Variants in AHRR observed in about 807,000 individuals in gnomAD.
AHRR encodes the protein ahR repressor.
A neutral mutation model predicts 44.0 loss-of-function variants in AHRR; 28 were observed. The observed-to-expected ratio is 0.64, with a 90% CI of 0.47 to 0.87. The LOEUF (loss-of-function observed/expected upper bound fraction) is 0.87. Among genes scored for constraint, AHRR ranks in the 40% least tolerant of loss-of-function variants. The pLI is 0.00. For synonymous variants in AHRR, 434 were observed against 407.0 expected, an observed-to-expected ratio of 1.07 and a Z score of -0.80; for missense variants, 990 against 953.9, an observed-to-expected ratio of 1.04 and a Z score of -0.50.
At chr5:380,108 C>T (rs547523934) in intron 4 of AHRR, among the ~76,000 whole-genome samples, 4 of 152,254 alleles carry the variant, frequency 2.6e-5, no homozygotes, top group East Asian at 1.9e-4. Context: ...TACTGAATGG[C>T]GTTTATACCT....
intron 3 of AHRR, among the ~76,000 whole-genome samples, chr5:376,066 G>A (rs1346636729): frequency 1.3e-5 from 2 of 152,166 alleles, no homozygotes; most frequent in Non-Finnish European, 2.9e-5. Flanking sequence ...TTCTCACTAG[G>A]GAGGGGGCTG....
intron 3 of AHRR, among the ~76,000 whole-genome samples, chr5:364,216 A>T (rs1476268027): frequency 1.3e-5 from 2 of 152,256 alleles, no homozygotes; most frequent in Non-Finnish European, 2.9e-5. Context: ...GAACCCAGAG[A>T]TAACTTTATT....
chr5:404,873 C>A lies in AHRR; in HGVS notation c.352-8471C>A, dbSNP rs945818157. 6.6e-6 allele frequency among the ~76,000 whole-genome samples: 1 copy of A among 152,164 alleles called. No homozygotes were observed. Among genetic ancestry groups the A allele is most frequent in the Non-Finnish European group, 1.5e-5 (1 of 68,030 alleles). ...CGGGCACCACCTGCCATTCCTCCTT[C>A]GTGCCTTCGAGTAGCAGGCTCAGTC... is the stretch of plus-strand genomic sequence containing the variant. On this transcript the variant is annotated intron_variant, in intron 4 of 10. Transcript: ENST00000684583. This position sits in a 1 kb window ranked among gnomAD's most constrained non-coding sequence, Gnocchi z 4.1.
At chr5:423,168 A>C (rs1351082092) in intron 6 of AHRR, among the ~76,000 whole-genome samples, 1 of 152,050 alleles carries the variant, frequency 6.6e-6, no homozygotes, top group Non-Finnish European at 1.5e-5. Context: ...CTTGTTTTGC[A>C]AACTCCCCTC....
intron 10 of AHRR, among the ~76,000 whole-genome samples, 157 bp downstream of exon 10, chr5:433,104 G>A (rs1452153807): frequency 1.3e-5 from 2 of 152,220 alleles, no homozygotes; most frequent in Non-Finnish European, 2.9e-5. Context: ...TCTCTGTGGA[G>A]CTGTCCACAC....
chr5:389,100 G>A (rs1045188277), intron 4 of AHRR, among the ~76,000 whole-genome samples: 1 of 151,874 alleles, frequency 6.6e-6, no homozygotes, highest in African/African-American at 2.4e-5. Context: ...GACCATCTGC[G>A]GCAGGGACCA....
At position 434,010 on chromosome 5, in the gene AHRR, C is replaced by A; in HGVS notation, c.1270C>A (p.Pro424Thr). The A allele has an allele frequency of 6.3e-7, 1 of 1,582,290 alleles. No individual in the cohort carries two copies. Among genetic ancestry groups the A allele is most frequent in the Non-Finnish European group, 8.6e-7 (1 of 1,165,888 alleles). ...PRLQPSKNDP[P>T]SLRPMPRGSC... Reference sequence around the variant, plus strand: ...GCTGCAGCCCAGCAAGAATGACCCGCCCTCCCTGCGCCCCATGCCCCGCGG... The same window carrying A: ...GCTGCAGCCCAGCAAGAATGACCCGACCTCCCTGCGCCCCATGCCCCGCGG... The change falls in exon 11 of 11, where the codon CCC becomes ACC. Residue 424 changes from proline (P) to threonine (T), a missense_variant. Coordinates refer to ENST00000684583, the MANE Select transcript of AHRR (RefSeq NM_001377236.1).
At position 434,477 on chromosome 5, in the gene AHRR, G is replaced by A. The variant is rs1219541082; in HGVS notation, c.1737G>A (p.Arg579=). The change falls in exon 11 of 11, where the codon CGG becomes CGA. Residue 579 remains arginine, a synonymous_variant. Coordinates refer to ENST00000684583, the MANE Select transcript of AHRR (RefSeq NM_001377236.1). ...RMHLKTEPDS[R]QQVYISHLGH... is the part of the protein sequence containing the mutation. ...ACCTGAAAACAGAGCCAGACTCTCGGCAACAGGTGTACATCTCGCACCTGG... is the reference window on the plus strand; with the variant it reads ...ACCTGAAAACAGAGCCAGACTCTCGACAACAGGTGTACATCTCGCACCTGG... 1 of 1,613,382 alleles carries A rather than the reference G, an allele frequency of 6.2e-7. No individual in the cohort carries two copies. The highest frequency in any genetic ancestry group is 8.5e-7 in the Non-Finnish European group (1 of 1,180,006).
chr5:430,570 C>T (rs764251686), intron 8 of AHRR, among the ~76,000 whole-genome samples: 15 of 152,252 alleles, frequency 9.9e-5, no homozygotes, highest in Non-Finnish European at 1.5e-4. Flanking sequence ...CCGGCACTCA[C>T]GGTGGTCTCT....
intron 4 of AHRR, among the ~76,000 whole-genome samples, chr5:392,507 A>G (rs11738344): frequency 0.33 from 50,046 of 151,514 alleles, 12,377 homozygotes; most frequent in African/African-American, 0.7. Flanking sequence ...CAGATGTGGC[A>G]GGTGCAGACG....
intron 4 of AHRR, among the ~76,000 whole-genome samples, chr5:391,336 G>GAGGCGGGCGCAGGGCA (rs1392909181): frequency 7.7e-6 from 1 of 130,556 alleles, no homozygotes; most frequent in East Asian, 2.0e-4. Context: ...GGCGCAGGGC[G>GAGGCGGGCGCAGGGCA]AGGCGGGCGC....
chr5:353,466 C>A (rs555137811), intron 2 of AHRR, among the ~76,000 whole-genome samples: 1 of 152,172 alleles, frequency 6.6e-6, no homozygotes, highest in Non-Finnish European at 1.5e-5. Flanking sequence ...GCCCTGTCTC[C>A]GTGCTCTGAG....
chr5:375,552 G>A (rs1239992063), intron 3 of AHRR, among the ~76,000 whole-genome samples: 1 of 152,250 alleles, frequency 6.6e-6, no homozygotes, highest in Non-Finnish European at 1.5e-5. Flanking sequence ...GCCTTAAGGT[G>A]CCATGCGTGA....
At chr5:418,316 G>C (rs1735917402) in intron 5 of AHRR, among the ~76,000 whole-genome samples, 1 of 152,148 alleles carries the variant, frequency 6.6e-6, no homozygotes, top group Non-Finnish European at 1.5e-5. Context: ...TCACTTTGTA[G>C]GAATTAGACT....
At chr5:346,594 G>A (rs1032446694) in intron 2 of AHRR, among the ~76,000 whole-genome samples, 1 of 152,082 alleles carries the variant, frequency 6.6e-6, no homozygotes, top group Non-Finnish European at 1.5e-5. Context: ...GCCCACCCCC[G>A]GGGGACCCAG....
In AHRR at chr5:395,148, T is replaced by C. The variant is rs1489557250; in HGVS notation, c.352-18196T>C. 6.6e-6 allele frequency among the ~76,000 whole-genome samples: 1 copy of C among 152,150 alleles called. No homozygotes were observed. The highest frequency in any genetic ancestry group is 1.5e-5 in the Non-Finnish European group (1 of 68,002). ...AATCTCCTCCACACCTAACCCCAGA[T>C]AGCCCAAGACTTCTGGGGTTCCCTC... is the stretch of plus-strand genomic sequence containing the variant. On this transcript the variant is annotated intron_variant, in intron 4 of 10. Transcript: ENST00000684583. The surrounding 1 kb of genome is among the most constrained non-coding windows in gnomAD (Gnocchi z 5.3).
In AHRR at chr5:337,639, T is replaced by C. The variant is rs1257639593; in HGVS notation, c.-10-6254T>C. Among the ~76,000 whole-genome samples the C allele has an allele frequency of 4.6e-5, 7 of 152,198 alleles. No homozygotes were observed. ...TTATTTGAATTGAGAAACTTTAATG[T>C]TAGGAAGTCTAGATAGCAACAGTGA... On this transcript the variant is annotated intron_variant, in intron 1 of 10. Coordinates refer to ENST00000684583, the MANE Select transcript of AHRR (RefSeq NM_001377236.1). This position sits in a 1 kb window ranked among gnomAD's most constrained non-coding sequence, Gnocchi z 4.1.
At position 404,381 on chromosome 5, in the gene AHRR, C is replaced by A. The variant is rs2126499577; in HGVS notation, c.352-8963C>A. On this transcript the variant is annotated intron_variant, in intron 4 of 10. Transcript: ENST00000684583. The surrounding 1 kb of genome is among the most constrained non-coding windows in gnomAD (Gnocchi z 4.1). ...CTTCATTCTGGGTGTCTTCAGTGGTCCTAAAGCCTTTTGCATGATTTAGGA... is the reference window on the plus strand; with the variant it reads ...CTTCATTCTGGGTGTCTTCAGTGGTACTAAAGCCTTTTGCATGATTTAGGA... 1 of 526,764 alleles carries A rather than the reference C, an allele frequency of 1.9e-6. No individual in the cohort carries two copies. The highest frequency in any genetic ancestry group is 3.8e-6 in the Non-Finnish European group (1 of 261,306). 32.6% of individuals were successfully genotyped at this position (526,764 alleles called of 1,614,324 possible).
chr5:425,961 C>T (rs1736368611), intron 7 of AHRR, among the ~76,000 whole-genome samples: 1 of 152,182 alleles, frequency 6.6e-6, no homozygotes, highest in African/African-American at 2.4e-5. Context: ...ATGCCACCCA[C>T]AGGGCCAACT....
Sources: gnomAD v4.1 joint callset for allele counts (sites outside exome capture counted in the v4.1 genomes callset) on GRCh38, gnomAD v4.1.1 for gene constraint, Gnocchi (gnomAD v3.1) non-coding constraint, MANE v1.5 for transcripts, NCBI Gene and HGNC (gene_info 2026-07-23, HGNC 2026-07-21) for gene names.